The following DLG5 variants were observed in gnomAD, a reference collection of about 807,000 sequenced individuals.
DLG5 encodes disks large homolog 5.
In DLG5, 48 loss-of-function variants were observed where a neutral mutation model predicts 189.8. That is an observed-to-expected ratio of 0.25 (90% CI 0.20 to 0.32). DLG5 has a LOEUF of 0.32. Among genes scored for constraint, DLG5 ranks in the 10% least tolerant of loss-of-function variants. The pLI, the probability that DLG5 is intolerant of heterozygous loss-of-function variation, is 1.00. For synonymous variants in DLG5, 1,016 were observed against 1,054.1 expected (o/e 0.96, Z 0.70); for missense variants, 2,160 against 2,544.7 (o/e 0.85, Z 3.25).
chr10:77,868,544 C>T (rs1463842394), intron 2 of DLG5: 2 of 259,678 alleles, frequency 7.7e-6, no homozygotes, highest in African/African-American at 4.5e-5. Flanking sequence ...AAAAGATGGC[C>T]GGGACTCACC....
chr10:77,794,757 A>G, intron 30 of DLG5, 92 bp downstream of exon 30: 6 of 961,280 alleles, frequency 6.2e-6, no homozygotes, highest in Middle Eastern at 4.3e-4. Context: ...TCATTCCTCA[A>G]CCCCCCACCC....
At chr10:77,818,424 G>C (rs1054626249) in intron 17 of DLG5, among the ~76,000 whole-genome samples, 3 of 152,186 alleles carry the variant, frequency 2.0e-5, no homozygotes, top group African/African-American at 7.2e-5. Context: ...AAACTCTACA[G>C]TGGTCTCCAC....
intron 1 of DLG5, among the ~76,000 whole-genome samples, chr10:77,908,607 C>T (rs1002494564): frequency 1.3e-5 from 2 of 152,198 alleles, no homozygotes; most frequent in African/African-American, 4.8e-5. Context: ...CTCCCAAGTC[C>T]TGCTCTGTGC....
intron 1 of DLG5, among the ~76,000 whole-genome samples, chr10:77,877,924 G>A (rs1282640042): frequency 3.3e-5 from 5 of 152,236 alleles, no homozygotes; most frequent in Non-Finnish European, 5.9e-5. Context: ...AATCTGAGCA[G>A]CAGGGGCACC....
At chr10:77,904,182 AC>A (rs780103638) in intron 1 of DLG5, among the ~76,000 whole-genome samples, 18 of 151,976 alleles carry the variant, frequency 1.2e-4, no homozygotes, top group Middle Eastern at 3.4e-3. Context: ...ACATGGCAAA[AC>A]CCCCATCTCA....
chr10:77,806,510 A>G (rs1233576451), intron 26 of DLG5, among the ~76,000 whole-genome samples: 1 of 152,222 alleles, frequency 6.6e-6, no homozygotes, highest in African/African-American at 2.4e-5. Context: ...GTATCTCCAT[A>G]AATCCATTTT....
At chr10:77,815,747 A>C (rs1355080823) in intron 20 of DLG5, among the ~76,000 whole-genome samples, 2 of 152,210 alleles carry the variant, frequency 1.3e-5, no homozygotes, top group Non-Finnish European at 2.9e-5. Context: ...ACTCAAATGA[A>C]AGAGAGTATC....
chr10:77,886,962 G>A (rs1845459750), intron 1 of DLG5, among the ~76,000 whole-genome samples: 1 of 152,132 alleles, frequency 6.6e-6, no homozygotes, highest in Admixed American at 6.5e-5. Context: ...CCCTGACCTT[G>A]GACTTCCAGC....
At chr10:77,905,752 T>C (rs1478380486) in intron 1 of DLG5, among the ~76,000 whole-genome samples, 6 of 152,146 alleles carry the variant, frequency 3.9e-5, no homozygotes, top group Non-Finnish European at 7.4e-5. Flanking sequence ...GGGAAAGAGA[T>C]GTATTTATTT....
chr10:77,871,348 G>A (rs1185508566), intron 1 of DLG5, among the ~76,000 whole-genome samples: 2 of 152,024 alleles, frequency 1.3e-5, no homozygotes, highest in African/African-American at 4.8e-5. Flanking sequence ...GGATGTCATG[G>A]GGAAGTCTGT....
chr10:77,828,270 G>T (rs1842735070), intron 13 of DLG5, among the ~76,000 whole-genome samples: 1 of 152,062 alleles, frequency 6.6e-6, no homozygotes, highest in African/African-American at 2.4e-5. Flanking sequence ...CAGATCACCT[G>T]AGGTCAGGAG....
intron 1 of DLG5, among the ~76,000 whole-genome samples, chr10:77,918,812 T>C (rs1464943968): frequency 6.6e-6 from 1 of 152,168 alleles, no homozygotes. Flanking sequence ...TCTTTCTCTA[T>C]GTTTGCTACC....
the DLG5 span, among the ~76,000 whole-genome samples, chr10:77,935,841 C>G: frequency 1.4e-4 from 21 of 152,088 alleles, no homozygotes; most frequent in African/African-American, 5.1e-4. Flanking sequence ...GGTTTCCTGT[C>G]CCACATGGGA....
chr10:77,933,123 T>C, the DLG5 span, among the ~76,000 whole-genome samples: 1 of 152,172 alleles, frequency 6.6e-6, no homozygotes, highest in Non-Finnish European at 1.5e-5. Flanking sequence ...TCAGCTTAGA[T>C]GTTAACCTTT....
Position 77,853,485 on chromosome 10 carries a change from C to T in DLG5, c.733G>A (p.Asp245Asn). 6.2e-7 allele frequency: 1 copy of T among 1,611,796 alleles called. No individual in the cohort carries two copies. The highest frequency in any genetic ancestry group is 8.5e-7 in the Non-Finnish European group (1 of 1,179,238). Reference protein sequence around the residue: ...SDQTRLKDDVDMLRRENGQLL... With the variant: ...SDQTRLKDDVNMLRRENGQLL... Reference sequence around the variant, plus strand: ...TGCCCATTCTCCCGCCTCAGCATGTCCACGTCATCCTTCAGCCGAGTCTGG... The same window carrying T: ...TGCCCATTCTCCCGCCTCAGCATGTTCACGTCATCCTTCAGCCGAGTCTGG... Residue 245 changes from aspartate to asparagine, a missense_variant, in exon 5 of 32, where the codon GAC (aspartate) becomes AAC (asparagine). Physicochemically the swap from Asp to Asn is conservative, Grantham distance 23. Coordinates refer to ENST00000372391, the MANE Select transcript of DLG5 (RefSeq NM_004747.4).
At chr10:77,907,637 C>T (rs778925305) in intron 1 of DLG5, among the ~76,000 whole-genome samples, 42 of 151,066 alleles carry the variant, frequency 2.8e-4, no homozygotes, top group Admixed American at 1.5e-3. Context: ...GTGCCACACA[C>T]TGCTGTCAAC....
intron 2 of DLG5, among the ~76,000 whole-genome samples, chr10:77,867,309 T>G (rs551680796): frequency 2.2e-4 from 33 of 152,314 alleles, no homozygotes; most frequent in African/African-American, 7.2e-4. Context: ...GATTTAACCC[T>G]TGAAATGCCG....
At chr10:77,917,727 G>A (rs1052843422) in intron 1 of DLG5, among the ~76,000 whole-genome samples, 1 of 152,168 alleles carries the variant, frequency 6.6e-6, no homozygotes, top group Admixed American at 6.6e-5. Context: ...GCACAGCAGT[G>A]TACAAATACT....
At chr10:77,825,915 T>G (rs528964361) in intron 13 of DLG5, among the ~76,000 whole-genome samples, 5 of 152,198 alleles carry the variant, frequency 3.3e-5, no homozygotes, top group Admixed American at 2.0e-4. Flanking sequence ...GTAAATTAAT[T>G]TGTGGTTTTT....
Sources: gnomAD v4.1 joint callset for allele counts (sites outside exome capture counted in the v4.1 genomes callset) on GRCh38, gnomAD v4.1.1 for gene constraint, MANE v1.5 for transcripts, NCBI Gene and HGNC (gene_info 2026-07-23, HGNC 2026-07-21) for gene names.